PARD3: variants seen among roughly 807,000 people sequenced by gnomAD.
PARD3 encodes the protein par-3 family cell polarity regulator, also known as partitioning defective 3 homolog.
Under a neutral mutation model 155.4 loss-of-function variants are expected in PARD3, and 75 were observed. The ratio of observed to expected loss-of-function variants is 0.48; its 90% CI spans 0.40 to 0.58. PARD3 has a LOEUF of 0.58. PARD3 is among the 20% of genes least tolerant of loss of function. PARD3 has a pLI of 0.00. For missense variants in PARD3, 1,642 were observed against 1,721.7 expected (o/e 0.95, Z 0.82); for synonymous variants, 576 against 610.5 (o/e 0.94, Z 0.83).
At chr10:34,238,719 ACT>A (rs1202450150) in intron 22 of PARD3, among the ~76,000 whole-genome samples, 4 of 152,280 alleles carry the variant, frequency 2.6e-5, no homozygotes, top group Middle Eastern at 3.4e-3. Context: ...TTGGAAGATG[ACT>A]CTAACCTGAA....
intron 2 of PARD3, among the ~76,000 whole-genome samples, chr10:34,656,516 G>T (rs76492123): frequency 6.6e-6 from 1 of 152,180 alleles, no homozygotes; most frequent in African/African-American, 2.4e-5. Flanking sequence ...GGAAGAAGGC[G>T]AGAGTGCTGT....
intron 7 of PARD3, among the ~76,000 whole-genome samples, chr10:34,398,855 T>A (rs1843611967): frequency 6.6e-6 from 1 of 152,194 alleles, no homozygotes; most frequent in Non-Finnish European, 1.5e-5. Flanking sequence ...CCTAATTTTT[T>A]AAAATTTCAT....
At chr10:34,391,765 T>A (rs1007157017) in intron 7 of PARD3, among the ~76,000 whole-genome samples, 1 of 152,254 alleles carries the variant, frequency 6.6e-6, no homozygotes, top group Admixed American at 6.5e-5. Flanking sequence ...TAATCTATAT[T>A]CAGGTTTAAA....
chr10:34,374,945 T>C lies in PARD3; in HGVS notation c.1597A>G (p.Ser533Gly). The C allele has an allele frequency of 6.2e-7, 1 of 1,613,908 alleles. No homozygotes were observed. Among genetic ancestry groups the C allele is most frequent in the Non-Finnish European group, 8.5e-7 (1 of 1,179,872 alleles). ...SQEEVVSLLR[S>G]TKMEGTVSLL... ...CTCACAGTTCCTTCCATCTTGGTGC[T>C]TCTCAACAGCGAAACAACTTCCTCT... is the stretch of plus-strand genomic sequence containing the variant. The change falls in exon 11 of 25, where the codon AGC becomes GGC. Residue 533 changes from serine to glycine, a missense_variant. By Grantham distance (56) the Ser-to-Gly change is moderately conservative (BLOSUM62 0). This residue lies in a region of PARD3 where 1,529 missense variants were observed against 1,587.3 expected (regional missense o/e 0.96). Transcript: ENST00000374788.
At chr10:34,356,714 T>C (rs1349120600) in intron 14 of PARD3, among the ~76,000 whole-genome samples, 3 of 152,240 alleles carry the variant, frequency 2.0e-5, no homozygotes, top group Admixed American at 2.0e-4. Flanking sequence ...GGAGAAGGTT[T>C]TCCTAAGGTA....
intron 22 of PARD3, among the ~76,000 whole-genome samples, chr10:34,194,612 CTTTTTTTT>C (rs34506915): frequency 8.3e-6 from 1 of 120,988 alleles, no homozygotes; most frequent in Non-Finnish European, 1.7e-5. Context: ...TATGCCAAAG[CTTTTTTTT>C]TTTTTTTTTT....
chr10:34,413,187 A>G lies in PARD3; in HGVS notation c.715-11270T>C, dbSNP rs943161348. 2.4e-4 allele frequency among the ~76,000 whole-genome samples: 36 copies of G among 151,738 alleles called. 1 individual carries two copies. The highest frequency in any genetic ancestry group is 8.2e-4 in the African/African-American group (34 of 41,492). ...CACACACACACACACACACATATAT[A>G]TAAGACTTTGTAACTGATAAGAAAC... is the stretch of plus-strand genomic sequence containing the variant. On this transcript the variant is annotated intron_variant, in intron 5 of 24. Coordinates refer to ENST00000374788, the MANE Select transcript of PARD3 (RefSeq NM_001184785.2).
chr10:34,344,109 TCA>T (rs1321169847), intron 15 of PARD3: 1 of 970,902 alleles, frequency 1.0e-6, no homozygotes, highest in African/African-American at 1.8e-5. Context: ...ACAACAGATT[TCA>T]GTTTTGTTTT....
intron 18 of PARD3, among the ~76,000 whole-genome samples, chr10:34,333,021 G>A (rs950137651): frequency 3.3e-5 from 5 of 152,106 alleles, no homozygotes; most frequent in East Asian, 3.8e-4. Context: ...AATTAGCACT[G>A]GAAAGATCCT....
intron 3 of PARD3, among the ~76,000 whole-genome samples, chr10:34,480,395 C>G (rs1032258629): frequency 6.6e-6 from 1 of 152,130 alleles, no homozygotes; most frequent in Non-Finnish European, 1.5e-5. Context: ...CCACTACTCC[C>G]GGTTAATTAA....
intron 1 of PARD3, among the ~76,000 whole-genome samples, chr10:34,711,835 G>A (rs1298057755): frequency 2.0e-5 from 3 of 152,128 alleles, no homozygotes; most frequent in Non-Finnish European, 4.4e-5. Flanking sequence ...CAGGATCAAC[G>A]CCCCCATTCA....
chr10:34,553,201 G>A (rs901794150), intron 2 of PARD3, among the ~76,000 whole-genome samples: 1 of 152,144 alleles, frequency 6.6e-6, no homozygotes, highest in East Asian at 1.9e-4. Flanking sequence ...GAAATCACTG[G>A]AAATGACTAC....
intron 19 of PARD3, among the ~76,000 whole-genome samples, chr10:34,327,625 C>CAG (rs758312822): frequency 6.6e-6 from 1 of 152,196 alleles, no homozygotes; most frequent in Non-Finnish European, 1.5e-5. Flanking sequence ...GTGCAAGGAG[C>CAG]TCTCTGTTCC....
At chr10:34,303,738 A>C (rs1261011189) in intron 20 of PARD3, among the ~76,000 whole-genome samples, 1 of 152,108 alleles carries the variant, frequency 6.6e-6, no homozygotes, top group African/African-American at 2.4e-5. Context: ...CCAAGGAGCA[A>C]AGCCCTGAGA....
intron 22 of PARD3, among the ~76,000 whole-genome samples, chr10:34,155,940 G>A (rs1255738293): frequency 6.6e-6 from 1 of 152,096 alleles, no homozygotes; most frequent in African/African-American, 2.4e-5. Flanking sequence ...AACAAACACA[G>A]CTATTTAGCA....
chr10:34,350,421 G>A (rs549493551), intron 14 of PARD3, among the ~76,000 whole-genome samples: 1 of 152,274 alleles, frequency 6.6e-6, no homozygotes, highest in Admixed American at 6.5e-5. Context: ...GAGGCGGGTG[G>A]ATCATGAGGT....
intron 12 of PARD3, among the ~76,000 whole-genome samples, chr10:34,366,916 ATTC>A (rs1218386235): frequency 1.3e-5 from 2 of 152,206 alleles, no homozygotes; most frequent in African/African-American, 2.4e-5. Context: ...AAAGTTCATT[ATTC>A]TTATCAGTAA....
intron 22 of PARD3, among the ~76,000 whole-genome samples, chr10:34,254,917 CTT>C (rs1954575177): frequency 6.6e-6 from 1 of 152,108 alleles, no homozygotes. Context: ...TGTGCAAAGA[CTT>C]TAAACCCTTG....
intron 5 of PARD3, among the ~76,000 whole-genome samples, chr10:34,435,209 T>C (rs115146480): frequency 6.6e-6 from 1 of 152,138 alleles, no homozygotes; most frequent in African/African-American, 2.4e-5. Flanking sequence ...AAAAAGGAAG[T>C]CACTGTGGCT....
Sources: gnomAD v4.1 joint callset for allele counts (sites outside exome capture counted in the v4.1 genomes callset) on GRCh38, gnomAD v4.1.1 for gene constraint, gnomAD v4.1.1 regional missense constraint, MANE v1.5 for transcripts, NCBI Gene and HGNC (gene_info 2026-07-23, HGNC 2026-07-21) for gene names.